The following HGF variants were observed in gnomAD, a reference collection of about 807,000 sequenced individuals.
The protein encoded by HGF is fibroblast-derived tumor cytotoxic factor.
In HGF, 39 loss-of-function variants were observed where a neutral mutation model predicts 111.6. That is an observed-to-expected ratio of 0.35 (90% CI 0.27 to 0.46). The LOEUF is 0.46. Ranked by LOEUF, HGF falls within the 20% of genes least tolerant of loss-of-function variation. The pLI is 1.00. For missense variants in HGF, 735 were observed against 910.5 expected (o/e 0.81, Z 2.48); for synonymous variants, 285 against 294.8 (o/e 0.97, Z 0.34).
chr7:81,756,255 G>T, intron 4 of HGF: 1 of 550,710 alleles, frequency 1.8e-6, no homozygotes, highest in African/African-American at 1.9e-5. Flanking sequence ...AGGTAAAATA[G>T]AACCAATAAA....
intron 2 of HGF, among the ~76,000 whole-genome samples, chr7:81,762,119 A>G (rs1789116799): frequency 6.6e-6 from 1 of 152,150 alleles, no homozygotes; most frequent in Non-Finnish European, 1.5e-5. Context: ...GGGACTGTCA[A>G]AAGACATGAA....
rs557168973 is a variant in HGF at position 81,762,012 on chromosome 7, G to A, written c.254+695C>T. On this transcript the variant is annotated intron_variant, in intron 2 of 17. Coordinates refer to ENST00000222390, the MANE Select transcript of HGF (RefSeq NM_000601.6). ...GCTCACTGGCCTGCAGCTCACTCCCGCTGTGAGGCCTGTTTCTTAACAGGC... is the reference window on the plus strand; with the variant it reads ...GCTCACTGGCCTGCAGCTCACTCCCACTGTGAGGCCTGTTTCTTAACAGGC... Among the ~76,000 whole-genome samples, 23 of 152,220 alleles carry A rather than the reference G, an allele frequency of 1.5e-4. 1 individual carries two copies. Among genetic ancestry groups the A allele is most frequent in the East Asian group, 9.7e-4 (5 of 5,164 alleles).
rs973522681 is a variant in HGF at position 81,721,061 on chromosome 7, C to T, written c.1169-214G>A. On this transcript the variant is annotated intron_variant, in intron 9 of 17. Transcript: ENST00000222390. ...GAGATCGAGACCATCCTGGCTAACA[C>T]GGTGAAACCCTGTCTCTACTTTAAA... Among the ~76,000 whole-genome samples, 8 of 152,168 alleles carry T rather than the reference C, an allele frequency of 5.3e-5. 1 individual carries two copies. Among genetic ancestry groups the T allele is most frequent in the Middle Eastern group, 6.8e-3 (2 of 294 alleles).
intron 6 of HGF, 40 bp downstream of exon 6, chr7:81,744,960 G>A (rs2116041326): frequency 6.2e-7 from 1 of 1,605,194 alleles, no homozygotes; most frequent in Non-Finnish European, 8.5e-7. Context: ...ATAATAGTTT[G>A]TAAAAGAATC....
chr7:81,750,942 A>G (rs1352583830), intron 5 of HGF: 3 of 921,072 alleles, frequency 3.3e-6, no homozygotes, highest in East Asian at 1.2e-4. Context: ...AAAGAAAACA[A>G]TGAAGAGGTT....
rs1787938675 is a variant in HGF at position 81,739,569 on chromosome 7, A to G, written c.865+3784T>C. On this transcript the variant is annotated intron_variant, in intron 7 of 17. Transcript: ENST00000222390. ...TGTTTAGTGTCCCCAGGGTTTTTAA[A>G]CCCCAGGGCAATGAGCTACAGTAAA... Among the ~76,000 whole-genome samples, 3 of 152,054 alleles carry G rather than the reference A, an allele frequency of 2.0e-5. No individual in the cohort carries two copies. In the South Asian group the frequency reaches 6.2e-4, roughly 32 times the overall value.
chr7:81,715,174 T>A (rs1356636062), intron 11 of HGF, among the ~76,000 whole-genome samples: 1 of 152,118 alleles, frequency 6.6e-6, no homozygotes, highest in Non-Finnish European at 1.5e-5. Context: ...CTGTGATTTT[T>A]AAAAATCTGG....
chr7:81,749,200 T>G (rs1359447023), intron 5 of HGF, among the ~76,000 whole-genome samples: 1 of 152,170 alleles, frequency 6.6e-6, no homozygotes, highest in Non-Finnish European at 1.5e-5. Flanking sequence ...ACACATAAAC[T>G]TATGTCAGTA....
At chr7:81,754,172 C>T (rs995725786) in intron 4 of HGF, among the ~76,000 whole-genome samples, 1 of 151,866 alleles carries the variant, frequency 6.6e-6, no homozygotes, top group Non-Finnish European at 1.5e-5. Flanking sequence ...TAGTATACAA[C>T]CTTAGTCCTT....
chr7:81,727,135 G>T (rs1790036082), intron 8 of HGF, among the ~76,000 whole-genome samples: 1 of 150,928 alleles, frequency 6.6e-6, no homozygotes, highest in Non-Finnish European at 1.5e-5. Flanking sequence ...CCGCCTCCCA[G>T]GTTCACGCCA....
intron 7 of HGF, among the ~76,000 whole-genome samples, chr7:81,733,645 T>C (rs755438110): frequency 3.3e-5 from 5 of 152,058 alleles, no homozygotes; most frequent in Non-Finnish European, 7.4e-5. Context: ...GGTGGCAATG[T>C]ATAGAATAAA....
At position 81,720,841 on chromosome 7, in the gene HGF, TA is replaced by T; in HGVS notation, c.1174del (p.Tyr392IlefsTer19). On this transcript the variant is annotated frameshift_variant, in exon 10 of 18. Transcript: ENST00000222390. LOFTEE classifies it high-confidence loss of function. Reference sequence around the variant, plus strand: ...CATATAATTTTTGCCATTCCCACGATAACAATCTAGACATAAAATATACAGA... The same window carrying T: ...CATATAATTTTTGCCATTCCCACGATACAATCTAGACATAAAATATACAGA... ...NCDMSHGQDCYRGNGKNYMGN... is the reference protein window; with the variant it reads ...NCDMSHGQDCXRGNGKNYMGN... The T allele has an allele frequency of 6.4e-7, 1 of 1,562,592 alleles. No homozygotes were observed. Among genetic ancestry groups the T allele is most frequent in the Non-Finnish European group, 8.8e-7 (1 of 1,133,108 alleles).
intron 5 of HGF, among the ~76,000 whole-genome samples, chr7:81,750,571 A>G (rs878866723): frequency 6.6e-6 from 1 of 152,194 alleles, no homozygotes; most frequent in Admixed American, 6.5e-5. Flanking sequence ...TAGCACTTTT[A>G]ATCTATGTCG....
chr7:81,725,468 T>TA (rs1789981454), intron 9 of HGF, among the ~76,000 whole-genome samples: 1 of 152,168 alleles, frequency 6.6e-6, no homozygotes, highest in Non-Finnish European at 1.5e-5. Context: ...TAAGATCTTA[T>TA]AGCAAGTAAG....
Position 81,705,642 on chromosome 7 carries a change from C to T in HGF, c.1864+5G>A, listed in dbSNP as rs1562870826. 5.0e-6 allele frequency: 8 copies of T among 1,604,698 alleles called. No individual in the cohort carries two copies. The African/African-American group carries it at 5.4e-5, about 11-fold the overall frequency. ...TATGGCCTCATCTTTTGAAAACTAG[C>T]TTACATCCAGTGTAGCCCCAGCCAT... On this transcript the variant is annotated splice_donor_5th_base_variant and intron_variant, in intron 16 of 17. Coordinates refer to ENST00000222390, the MANE Select transcript of HGF (RefSeq NM_000601.6).
intron 5 of HGF, among the ~76,000 whole-genome samples, chr7:81,747,083 A>G (rs1490249777): frequency 6.6e-6 from 1 of 152,198 alleles, no homozygotes; most frequent in Non-Finnish European, 1.5e-5. Context: ...TCACGCCTGT[A>G]ATCCCAGCAC....
chr7:81,735,352 G>T (rs1787791527), intron 7 of HGF, among the ~76,000 whole-genome samples: 1 of 152,008 alleles, frequency 6.6e-6, no homozygotes, highest in Non-Finnish European at 1.5e-5. Flanking sequence ...TTTAGAAGAT[G>T]ATTTGGAAGA....
At position 81,707,638 on chromosome 7, in the gene HGF, C is replaced by G. The variant is rs542761449; in HGVS notation, c.1542-274G>C. On this transcript the variant is annotated intron_variant, in intron 13 of 17. Coordinates refer to ENST00000222390, the MANE Select transcript of HGF (RefSeq NM_000601.6). ...AAGTTATTACACATCAATAGCCATC[C>G]CGAACACACATATTCGTGTGTATGT... Among the ~76,000 whole-genome samples, 103 of 152,140 alleles carry G rather than the reference C, an allele frequency of 6.8e-4. 1 individual carries two copies. In the South Asian group the frequency reaches 0.01, roughly 15 times the overall value.
At chr7:81,760,275 A>G (rs754875385) in intron 2 of HGF, among the ~76,000 whole-genome samples, 27 of 152,182 alleles carry the variant, frequency 1.8e-4, no homozygotes, top group Non-Finnish European at 3.2e-4. Flanking sequence ...CCATGGCTAA[A>G]AGAGGAAAGC....
Sources: gnomAD v4.1 joint callset for allele counts (sites outside exome capture counted in the v4.1 genomes callset) on GRCh38, gnomAD v4.1.1 for gene constraint, MANE v1.5 for transcripts, NCBI Gene and HGNC (gene_info 2026-07-23, HGNC 2026-07-21) for gene names.